SNRPN: variants seen among roughly 807,000 people sequenced by gnomAD.
SNRPN encodes the protein small nuclear ribonucleoprotein-associated protein N.
A neutral mutation model predicts 25.2 loss-of-function variants in SNRPN; 7 were observed. That is an observed-to-expected ratio of 0.28 (90% CI 0.16 to 0.52). The LOEUF (loss-of-function observed/expected upper bound fraction) is 0.52, where lower values mean the gene tolerates loss of function less well. SNRPN is among the 20% of genes least tolerant of loss of function. The probability of loss-of-function intolerance (pLI) is 0.96; values close to 1 mark genes in which losing one functional copy is unlikely to be tolerated. For missense variants in SNRPN, 196 were observed against 322.5 expected, an observed-to-expected ratio of 0.61 and a Z score of 3.00; for synonymous variants, 124 against 110.6, an observed-to-expected ratio of 1.12 and a Z score of -0.76.
At chr15:24,870,617 C>G (rs1205803090) in intron 1 of SNRPN, among the ~76,000 whole-genome samples, 2 of 149,332 alleles carry the variant, frequency 1.3e-5, no homozygotes, top group Non-Finnish European at 3.0e-5. Flanking sequence ...ACAACATTAC[C>G]AACTAAAGTA....
intron 2 of SNRPN, among the ~76,000 whole-genome samples, chr15:24,832,827 C>T (rs1195017675): frequency 3.3e-5 from 5 of 151,866 alleles, no homozygotes; most frequent in African/African-American, 7.3e-5. Flanking sequence ...TGATGGAGGC[C>T]GGGCGCGGTG....
intron 3 of SNRPN, among the ~76,000 whole-genome samples, chr15:24,921,814 C>G (rs1241944143): frequency 6.6e-6 from 1 of 152,120 alleles, no homozygotes; most frequent in Non-Finnish European, 1.5e-5. Context: ...ATGTAAGTTA[C>G]CAGTATTAGT....
At chr15:24,878,771 A>G (rs1000033610) in intron 1 of SNRPN, among the ~76,000 whole-genome samples, 1 of 152,152 alleles carries the variant, frequency 6.6e-6, no homozygotes, top group Non-Finnish European at 1.5e-5. Flanking sequence ...CTTTGAAAAA[A>G]ACGAAATCCT....
chr15:24,926,460 C>T (rs2060386335), intron 3 of SNRPN, among the ~76,000 whole-genome samples: 1 of 152,082 alleles, frequency 6.6e-6, no homozygotes, highest in Non-Finnish European at 1.5e-5. Context: ...CAGAAGTGTG[C>T]TAGTTTGAAT....
At chr15:24,900,687 A>T (rs903054799) in intron 2 of SNRPN, among the ~76,000 whole-genome samples, 8 of 152,174 alleles carry the variant, frequency 5.3e-5, no homozygotes, top group Non-Finnish European at 8.8e-5. Context: ...ACTGTGACAT[A>T]TATTGGAAGA....
chr15:24,843,133 C>T (rs1412000925), intron 2 of SNRPN, among the ~76,000 whole-genome samples: 1 of 151,962 alleles, frequency 6.6e-6, no homozygotes, highest in Non-Finnish European at 1.5e-5. Flanking sequence ...GAGTGCAATC[C>T]TGCAACCTCG....
chr15:24,903,086 AC>A lies in SNRPN; in HGVS notation c.-505+16498del, dbSNP rs1844347972. Among the ~76,000 whole-genome samples the A allele has an allele frequency of 2.6e-5, 4 of 152,270 alleles. No homozygotes were observed. The South Asian group carries it at 8.3e-4, about 32-fold the overall frequency. ...GTTGTGTTTACAATCCTTTAGGTAGACAGAAAAGTTTTCCAAGTCCCCACCC... is the reference window on the plus strand; with the variant it reads ...GTTGTGTTTACAATCCTTTAGGTAGAAGAAAAGTTTTCCAAGTCCCCACCC... On this transcript the variant is annotated intron_variant, in intron 2 of 11. Transcript: ENST00000400097.
At chr15:24,856,883 A>T (rs2146467122) in intron 1 of SNRPN, among the ~76,000 whole-genome samples, 1 of 152,292 alleles carries the variant, frequency 6.6e-6, no homozygotes, top group African/African-American at 2.4e-5. Context: ...AAATACATTC[A>T]TAATCACTTT....
intron 2 of SNRPN, among the ~76,000 whole-genome samples, chr15:24,894,231 T>C (rs976275796): frequency 9.2e-5 from 14 of 151,812 alleles, no homozygotes; most frequent in Admixed American, 3.3e-4. Context: ...TTTTTTTTTT[T>C]CCTTTGAGAC....
intron 1 of SNRPN, among the ~76,000 whole-genome samples, chr15:24,881,597 GAGAGAGAGAGAGAGAGAGAGAGA>G (rs2056664914): frequency 1.7e-5 from 1 of 58,600 alleles, no homozygotes; most frequent in Non-Finnish European, 3.3e-5. Context: ...GAGAGAGAGA[GAGAGAGAGAGAGAGAGAGAGAGA>G]AAGTCACAGT....
chr15:24,865,176 AACTG>A (rs2054455700), intron 1 of SNRPN, among the ~76,000 whole-genome samples: 1 of 151,800 alleles, frequency 6.6e-6, no homozygotes, highest in South Asian at 2.1e-4. Flanking sequence ...CCTCCCAAAT[AACTG>A]GGATTACGGG....
rs192525326 is a variant in SNRPN at position 24,833,779 on chromosome 15, A to G, written c.-579+3874A>G. ...GGAAGAGAGGTTGTTGTTTAATGCA[A>G]ATTAAGTCCTCCAGATAATCTCTTG... is the stretch of plus-strand genomic sequence containing the variant. On this transcript the variant is annotated intron_variant, in intron 2 of 12. Coordinates refer to the SNRPN transcript ENST00000400100. Among the ~76,000 whole-genome samples the G allele has an allele frequency of 4.7e-3, 712 of 152,144 alleles. 6 individuals carry two copies. The highest frequency in any genetic ancestry group is 6.9e-3 in the Non-Finnish European group (466 of 68,018).
At chr15:24,961,173 T>A (rs537267287) in intron 1 of SNRPN, among the ~76,000 whole-genome samples, 2 of 152,336 alleles carry the variant, frequency 1.3e-5, no homozygotes, top group African/African-American at 4.8e-5. Flanking sequence ...ACATTATCAG[T>A]GTATAAAATT....
At chr15:24,949,182 C>T (rs550302097) in intron 3 of SNRPN, among the ~76,000 whole-genome samples, 62 of 151,790 alleles carry the variant, frequency 4.1e-4, no homozygotes, top group Middle Eastern at 3.4e-3. Context: ...CCACCACACC[C>T]GGCTATTTTT....
At chr15:24,941,874 G>A (rs1197371888) in intron 3 of SNRPN, among the ~76,000 whole-genome samples, 1 of 152,040 alleles carries the variant, frequency 6.6e-6, no homozygotes, top group Non-Finnish European at 1.5e-5. Context: ...TGCTGCCCGG[G>A]GTTCAAACAA....
At chr15:24,919,287 C>T (rs989643956) in intron 2 of SNRPN, among the ~76,000 whole-genome samples, 3 of 151,668 alleles carry the variant, frequency 2.0e-5, no homozygotes, top group Middle Eastern at 3.4e-3. Flanking sequence ...AAAAATTAGC[C>T]GGGCGTCGTG....
upstream of SNRPN, chr15:24,954,831 A>T (rs1057327265): frequency 1.6e-6 from 1 of 637,024 alleles, no homozygotes; most frequent in South Asian, 1.9e-5. Context: ...CTAGGGGTCC[A>T]GTAGCCCCCT....
chr15:24,903,340 T>C (rs546099753), intron 2 of SNRPN, among the ~76,000 whole-genome samples: 2 of 152,170 alleles, frequency 1.3e-5, no homozygotes, highest in South Asian at 2.1e-4. Flanking sequence ...GGTTTCCCAG[T>C]GTCTGAAAAG....
At chr15:24,932,998 A>G (rs1052014490) in intron 3 of SNRPN, among the ~76,000 whole-genome samples, 12 of 152,130 alleles carry the variant, frequency 7.9e-5, no homozygotes, top group Admixed American at 4.6e-4. Context: ...CATGGAGCTC[A>G]TGCATGTAAT....
Sources: allele counts gnomAD v4.1 joint callset (sites outside exome capture counted in the v4.1 genomes callset), GRCh38; gene constraint gnomAD v4.1.1; transcripts MANE v1.5; gene names NCBI Gene and HGNC (gene_info 2026-07-23, HGNC 2026-07-21).